Variants in USP8 observed in about 807,000 individuals in gnomAD.
The protein encoded by USP8 is ubiquitin specific peptidase 8.
USP8 carries 27 observed loss-of-function variants against 130.0 expected under a neutral mutation model. That is an observed-to-expected ratio of 0.21 (90% CI 0.15 to 0.29). The LOEUF (loss-of-function observed/expected upper bound fraction) is 0.29. USP8 is among the 10% of genes least tolerant of loss of function. The pLI, the probability that USP8 is intolerant of heterozygous loss-of-function variation, is 1.00. For synonymous variants in USP8, 392 were observed against 444.1 expected (o/e 0.88, Z 1.48); for missense variants, 1,029 against 1,312.2 (o/e 0.78, Z 3.33).
At chr15:50,476,190 T>C (rs549602581) in intron 8 of USP8, among the ~76,000 whole-genome samples, 1 of 152,298 alleles carries the variant, frequency 6.6e-6, no homozygotes, top group South Asian at 2.1e-4. Flanking sequence ...CCCAGCACTT[T>C]GGGCTGAGCC....
At chr15:50,439,344 A>G (rs1189363167) in intron 2 of USP8, among the ~76,000 whole-genome samples, 167 bp downstream of exon 2, 1 of 152,178 alleles carries the variant, frequency 6.6e-6, no homozygotes, top group Non-Finnish European at 1.5e-5. Context: ...CACAATACAT[A>G]TATATTCTGC....
chr15:50,436,147 T>G (rs1447808797), intron 1 of USP8, among the ~76,000 whole-genome samples: 1 of 152,194 alleles, frequency 6.6e-6, no homozygotes, highest in Non-Finnish European at 1.5e-5. Flanking sequence ...ACAAAGTAAA[T>G]GCTTTAGTAA....
chr15:50,495,119 C>T (rs368504473), intron 16 of USP8, among the ~76,000 whole-genome samples: 13 of 151,610 alleles, frequency 8.6e-5, no homozygotes, highest in East Asian at 5.8e-4. Flanking sequence ...CCTCCATTTA[C>T]ATACTACAAC....
intron 5 of USP8, among the ~76,000 whole-genome samples, chr15:50,461,534 T>C (rs1595936505): frequency 6.6e-6 from 1 of 151,402 alleles, no homozygotes; most frequent in East Asian, 1.9e-4. Flanking sequence ...CATACAGGAT[T>C]ATCCCATGTT....
intron 4 of USP8, among the ~76,000 whole-genome samples, chr15:50,453,645 A>G (rs1215028614): frequency 6.6e-6 from 1 of 152,116 alleles, no homozygotes; most frequent in Non-Finnish European, 1.5e-5. Flanking sequence ...TAATGTTCAG[A>G]TCTTCTTTAT....
chr15:50,477,254 A>G (rs1485134982), intron 9 of USP8, 22 bp from the exon 10 acceptor site: 1 of 1,599,846 alleles, frequency 6.3e-7, no homozygotes, highest in Admixed American at 1.8e-5. Flanking sequence ...TCTAAAAAAC[A>G]TTTTTATTTT....
At chr15:50,450,462 CTTT>C (rs35800074) in intron 4 of USP8, among the ~76,000 whole-genome samples, 18,522 of 80,486 alleles carry the variant, frequency 0.23, 950 homozygotes, top group East Asian at 0.43. Context: ...GTTAGTCATT[CTTT>C]TTTTTTTTTT....
At chr15:50,474,049 G>T (rs2051478904) in intron 8 of USP8, among the ~76,000 whole-genome samples, 1 of 152,020 alleles carries the variant, frequency 6.6e-6, no homozygotes, top group African/African-American at 2.4e-5. Flanking sequence ...CTGTTGCCCA[G>T]GCCAAAGTGC....
At chr15:50,456,387 T>C (rs2050790080) in intron 4 of USP8, among the ~76,000 whole-genome samples, 1 of 148,500 alleles carries the variant, frequency 6.7e-6, no homozygotes, top group South Asian at 2.1e-4. Flanking sequence ...CTAGCCAACA[T>C]AGTGAAACCC....
At chr15:50,478,865 G>C (rs1480029850) in intron 10 of USP8, among the ~76,000 whole-genome samples, 5 of 152,072 alleles carry the variant, frequency 3.3e-5, no homozygotes, top group African/African-American at 1.2e-4. Context: ...GACCAGCCTG[G>C]TCAACATGGT....
intron 1 of USP8, among the ~76,000 whole-genome samples, chr15:50,433,504 T>C (rs72738960): frequency 0.09 from 13,732 of 152,256 alleles, 1,356 homozygotes; most frequent in African/African-American, 0.25. Context: ...ACCTCATTTT[T>C]CACTTTTTAC....
At chr15:50,491,263 G>T (rs931327040) in intron 14 of USP8, among the ~76,000 whole-genome samples, 8 of 152,098 alleles carry the variant, frequency 5.3e-5, no homozygotes, top group Non-Finnish European at 1.2e-4. Context: ...ACTTGTATTT[G>T]CTAAGGAATT....
Position 50,513,993 on chromosome 15 carries a change from CA to C in USP8, c.*14909del, listed in dbSNP as rs2052773538. The C allele has an allele frequency of 6.6e-6, 1 of 152,136 alleles. No homozygotes were observed. Among genetic ancestry groups the C allele is most frequent in the African/African-American group, 2.4e-5 (1 of 41,424 alleles). 9.4% of individuals were successfully genotyped at this position (152,136 alleles called of 1,614,324 possible). A position where few individuals can be genotyped will look rare whatever the true frequency, so the allele number is the denominator to read the frequency against. On this transcript the variant is annotated 3_prime_UTR_variant, in exon 20 of 20. Transcript: ENST00000307179. ...TTATAGCAACCCTCTTTGCATTAGT[CA>C]AAAGCTAGTAATTACCCAAAAGTTC...
At chr15:50,434,771 C>T (rs184297905) in intron 1 of USP8, among the ~76,000 whole-genome samples, 42 of 152,086 alleles carry the variant, frequency 2.8e-4, no homozygotes, top group African/African-American at 9.6e-4. Context: ...CATGTGCCAC[C>T]ACCACGCCTG....
chr15:50,474,012 T>TA (rs2051477376), intron 8 of USP8, among the ~76,000 whole-genome samples: 2 of 151,598 alleles, frequency 1.3e-5, no homozygotes, highest in Admixed American at 1.3e-4. Flanking sequence ...ATTTTTTACT[T>TA]ACTGTTTTTT....
chr15:50,427,885 T>G (rs2049796255), intron 1 of USP8, among the ~76,000 whole-genome samples: 1 of 150,678 alleles, frequency 6.6e-6, no homozygotes. Context: ...TGAGACAAGG[T>G]CTTGCTCTGT....
At chr15:50,448,066 G>T (rs149379875) in intron 3 of USP8, among the ~76,000 whole-genome samples, 1 of 152,120 alleles carries the variant, frequency 6.6e-6, no homozygotes, top group Non-Finnish European at 1.5e-5. Context: ...GATCTGCCTA[G>T]TTACAGAAGT....
At chr15:50,452,051 G>A (rs557913784) in intron 4 of USP8, among the ~76,000 whole-genome samples, 2 of 152,304 alleles carry the variant, frequency 1.3e-5, no homozygotes, top group Admixed American at 6.5e-5. Flanking sequence ...TCCCAGGTGC[G>A]GCCGCTATAG....
intron 12 of USP8, among the ~76,000 whole-genome samples, chr15:50,487,176 A>T (rs2051994490): frequency 6.6e-6 from 1 of 152,146 alleles, no homozygotes; most frequent in Non-Finnish European, 1.5e-5. Context: ...CTGTACCCCA[A>T]TAACCTATGG....
Sources: gnomAD v4.1 joint callset for allele counts (sites outside exome capture counted in the v4.1 genomes callset) on GRCh38, gnomAD v4.1.1 for gene constraint, MANE v1.5 for transcripts, NCBI Gene and HGNC (gene_info 2026-07-23, HGNC 2026-07-21) for gene names.